LSM11: variants seen among roughly 807,000 people sequenced by gnomAD.
LSM11 encodes LSM11, U7 small nuclear RNA associated.
A neutral mutation model predicts 28.1 loss-of-function variants in LSM11; 14 were observed. The ratio of observed to expected loss-of-function variants is 0.50; its 90% CI spans 0.33 to 0.78. The LOEUF is 0.78. Ranked by LOEUF, LSM11 falls within the 30% of genes least tolerant of loss-of-function variation. The pLI, the probability that LSM11 is intolerant of heterozygous loss-of-function variation, is 0.02. For synonymous variants in LSM11, 207 were observed against 214.2 expected (o/e 0.97, Z 0.30); for missense variants, 495 against 510.6 (o/e 0.97, Z 0.30).
At position 157,754,091 on chromosome 5, in the gene LSM11, G is replaced by C. The variant is rs1211018919; in HGVS notation, c.672+4G>C. On this transcript the variant is annotated splice_donor_region_variant and intron_variant, in intron 3 of 3. Transcript: ENST00000286307. Reference sequence around the variant, plus strand: ...TTCTTCACTGACTCTCACTAGGGTAGGCAGTTTTCCCCTGACCTCCTGAGT... The same window carrying C: ...TTCTTCACTGACTCTCACTAGGGTACGCAGTTTTCCCCTGACCTCCTGAGT... 1 of 1,554,104 alleles carries C rather than the reference G, an allele frequency of 6.4e-7. No homozygotes were observed. Among genetic ancestry groups the C allele is most frequent in the Admixed American group, 2.0e-5 (1 of 50,356 alleles).
Position 157,755,892 on chromosome 5 carries a change from A to C in LSM11, c.*628A>C, listed in dbSNP as rs770020269. On this transcript the variant is annotated 3_prime_UTR_variant, in exon 4 of 4. Coordinates refer to ENST00000286307, the MANE Select transcript of LSM11 (RefSeq NM_173491.4). ...GTGCTCTGTTTTGATCCTTCTTCTT[A>C]TTATGGAAAGGAGTACAGGACCTCT... The C allele has an allele frequency of 1.1e-4, 42 of 394,146 alleles. No homozygotes were observed. Among genetic ancestry groups the C allele is most frequent in the Non-Finnish European group, 1.1e-4 (24 of 224,090 alleles). 24.4% of individuals were successfully genotyped at this position (394,146 alleles called of 1,614,324 possible). A position where few individuals can be genotyped will look rare whatever the true frequency, so the allele number is the denominator to read the frequency against.
intron 1 of LSM11, chr5:157,747,725 A>G (rs1761168362): frequency 6.5e-6 from 1 of 152,880 alleles, no homozygotes; most frequent in South Asian, 2.1e-4. Context: ...ATAAAGAGCA[A>G]GAAAATAGGC....
chr5:157,751,913 C>T (rs1761238210), intron 2 of LSM11, among the ~76,000 whole-genome samples: 1 of 152,172 alleles, frequency 6.6e-6, no homozygotes, highest in Non-Finnish European at 1.5e-5. Context: ...TCTGAAAAGT[C>T]CTTAGTGCCA....
intron 1 of LSM11, among the ~76,000 whole-genome samples, chr5:157,751,022 T>C (rs1761222518): frequency 6.6e-6 from 1 of 152,138 alleles, no homozygotes; most frequent in South Asian, 2.1e-4. Context: ...CCTCAGGTGA[T>C]CCGCCCACCT....
chr5:157,750,638 G>A (rs1172079107), intron 1 of LSM11, among the ~76,000 whole-genome samples: 1 of 152,226 alleles, frequency 6.6e-6, no homozygotes, highest in African/African-American at 2.4e-5. Context: ...AGGGCAGAGT[G>A]CAGTTTGTTT....
chr5:157,751,365 CCTGACTGTT>C lies in LSM11; in HGVS notation c.449-22_449-14del, dbSNP rs762903002. On this transcript the variant is annotated splice_polypyrimidine_tract_variant and intron_variant, in intron 1 of 3. Transcript: ENST00000286307. ...GAATGAGGGCAGATATTAAAACTGT[CCTGACTGTT>C]CTTCTCTTGTTTCAGTGCACGAAGG... 1 of 1,564,954 alleles carries C rather than the reference CCTGACTGTT, an allele frequency of 6.4e-7. No homozygotes were observed. The highest frequency in any genetic ancestry group is 1.2e-5 in the South Asian group (1 of 83,640).
Position 157,743,878 on chromosome 5 carries a change from C to T in LSM11, c.128C>T (p.Pro43Leu). 1 of 1,557,996 alleles carries T rather than the reference C, an allele frequency of 6.4e-7. No individual in the cohort carries two copies. Among genetic ancestry groups the T allele is most frequent in the Non-Finnish European group, 8.7e-7 (1 of 1,154,302 alleles). The change falls in exon 1 of 4, where the codon CCT (proline) becomes CTT (leucine). Residue 43 changes from proline (P) to leucine (L), a missense_variant. By Grantham distance (98) the Pro-to-Leu change is moderately conservative (BLOSUM62 -3). Transcript: ENST00000286307. The stretch of plus-strand genomic sequence containing the variant: ...CTGGCCCTGTACGCGCCCCGCCTGC[C>T]TCCCATTCCCTACCCCAATGCCCCC... ...PLLALYAPRL[P>L]PIPYPNAPCF...
At chr5:157,754,209 T>G in intron 3 of LSM11, 122 bp downstream of exon 3, 28 of 545,688 alleles carry the variant, frequency 5.1e-5, no homozygotes, top group Non-Finnish European at 7.5e-5. Context: ...AAACCAGCTG[T>G]GCCTGTACCA....
At chr5:157,751,249 A>G (rs1251997409) in intron 1 of LSM11, 141 bp from the exon 2 acceptor site, 1 of 877,232 alleles carries the variant, frequency 1.1e-6, no homozygotes, top group South Asian at 2.3e-5. Context: ...CATGTTGCCC[A>G]TTGGACCTTC....
At chr5:157,745,276 G>T (rs1158566283) in intron 1 of LSM11, among the ~76,000 whole-genome samples, 3 of 152,178 alleles carry the variant, frequency 2.0e-5, no homozygotes, top group Non-Finnish European at 2.9e-5. Context: ...GGATGGAGAG[G>T]TGTGCCAAGC....
intron 2 of LSM11, 83 bp from the exon 3 acceptor site, chr5:157,753,921 C>A: frequency 1.1e-6 from 1 of 941,568 alleles, no homozygotes; most frequent in Non-Finnish European, 1.5e-6. Context: ...TGTTACTCTG[C>A]CTTTTTTTTT....
chr5:157,744,700 A>G (rs1413151742), intron 1 of LSM11, among the ~76,000 whole-genome samples: 1 of 152,142 alleles, frequency 6.6e-6, no homozygotes, highest in Non-Finnish European at 1.5e-5. Context: ...AGCCAATATT[A>G]GGGGAAGGAG....
chr5:157,751,824 C>T (rs1268625527), intron 2 of LSM11, among the ~76,000 whole-genome samples: 1 of 152,152 alleles, frequency 6.6e-6, no homozygotes, highest in Non-Finnish European at 1.5e-5. Context: ...CTACTGGCAT[C>T]TAATTGGTAG....
chr5:157,755,419 T>A lies in LSM11; in HGVS notation c.*155T>A. On this transcript the variant is annotated 3_prime_UTR_variant, in exon 4 of 4. Transcript: ENST00000286307. ...AGGCTCAGCCCCCTGGAAGATGAGCTCAAGGGGAGGACAGGCCTTGGGAGG... is the reference window on the plus strand; with the variant it reads ...AGGCTCAGCCCCCTGGAAGATGAGCACAAGGGGAGGACAGGCCTTGGGAGG... 1 of 810,588 alleles carries A rather than the reference T, an allele frequency of 1.2e-6. No individual in the cohort carries two copies. Among genetic ancestry groups the A allele is most frequent in the Non-Finnish European group, 1.9e-6 (1 of 528,918 alleles). 50.2% of individuals were successfully genotyped at this position (810,588 alleles called of 1,614,324 possible).
Position 157,755,355 on chromosome 5 carries a change from A to T in LSM11, c.*91A>T. 1 of 1,372,836 alleles carries T rather than the reference A, an allele frequency of 7.3e-7. No individual in the cohort carries two copies. The highest frequency in any genetic ancestry group is 2.3e-5 in the East Asian group (1 of 42,580). 85.0% of individuals were successfully genotyped at this position (1,372,836 alleles called of 1,614,324 possible). ...GTATCCCAGTGAAACTCTGAGTTGG[A>T]ATGATTCCCTCTGGTCCTGCATATG... is the stretch of plus-strand genomic sequence containing the variant. On this transcript the variant is annotated 3_prime_UTR_variant, in exon 4 of 4. Transcript: ENST00000286307.
Position 157,755,292 on chromosome 5 carries a change from G to A in LSM11, c.*28G>A, listed in dbSNP as rs571241516. ...AGCTCAGCCTGAGCTTTGGTTTTTAGAAATAAAGTGCATGAATTGCTGCTA... is the reference window on the plus strand; with the variant it reads ...AGCTCAGCCTGAGCTTTGGTTTTTAAAAATAAAGTGCATGAATTGCTGCTA... On this transcript the variant is annotated 3_prime_UTR_variant, in exon 4 of 4. Transcript: ENST00000286307. 1.3e-6 allele frequency: 2 copies of A among 1,598,682 alleles called. No homozygotes were observed. The highest frequency in any genetic ancestry group is 4.5e-5 in the East Asian group (2 of 44,836).
In LSM11 at chr5:157,743,927, C is replaced by T; in HGVS notation, c.177C>T (p.Tyr59=). 6.7e-7 allele frequency: 1 copy of T among 1,482,318 alleles called. No individual in the cohort carries two copies. The highest frequency in any genetic ancestry group is 2.7e-5 in the East Asian group (1 of 36,740). The allele number at this position is 1,482,318 out of a possible 1,614,324, so 91.8% of individuals were successfully genotyped here. A position where few individuals can be genotyped will look rare whatever the true frequency, so the allele number is the denominator to read the frequency against. Residue 59 remains tyrosine, a synonymous_variant, in exon 1 of 4, where the codon TAC becomes TAT. Coordinates refer to ENST00000286307, the MANE Select transcript of LSM11 (RefSeq NM_173491.4). ...CCTGCTTCAACAACGTGGCGGAGTA[C>T]GAGAGCTTCCTCAGGACCGGAGTCC... is the stretch of plus-strand genomic sequence containing the variant. ...NAPCFNNVAE[Y]ESFLRTGVRG...
chr5:157,754,212 C>G, intron 3 of LSM11, 125 bp downstream of exon 3: 1 of 551,526 alleles, frequency 1.8e-6, no homozygotes, highest in Non-Finnish European at 3.0e-6. Context: ...CCAGCTGTGC[C>G]TGTACCAAGG....
At chr5:157,744,333 G>A in intron 1 of LSM11, 135 bp downstream of exon 1, 1 of 615,442 alleles carries the variant, frequency 1.6e-6, no homozygotes, top group Non-Finnish European at 2.4e-6. Context: ...AAATTTGCGG[G>A]GATCATCAGT....
Sources: allele counts gnomAD v4.1 joint callset (sites outside exome capture counted in the v4.1 genomes callset), GRCh38; gene constraint gnomAD v4.1.1; transcripts MANE v1.5; gene names NCBI Gene and HGNC (gene_info 2026-07-23, HGNC 2026-07-21).